The following CDK17 variants were observed in gnomAD, a reference collection of about 807,000 sequenced individuals.
The protein encoded by CDK17 is cyclin dependent kinase 17, also known as cyclin-dependent kinase 17.
In CDK17, 24 loss-of-function variants were observed where a neutral mutation model predicts 77.6. That is an observed-to-expected ratio of 0.31 (90% CI 0.22 to 0.44). The LOEUF (loss-of-function observed/expected upper bound fraction) is 0.44. Ranked by LOEUF, CDK17 falls within the 20% of genes least tolerant of loss-of-function variation. The pLI, the probability that CDK17 is intolerant of heterozygous loss-of-function variation, is 1.00. For missense variants in CDK17, 429 were observed against 622.5 expected, an observed-to-expected ratio of 0.69 and a Z score of 3.31; for synonymous variants, 203 against 210.4, an observed-to-expected ratio of 0.96 and a Z score of 0.30.
chr12:96,301,237 C>A (rs867103392), intron 5 of CDK17, among the ~76,000 whole-genome samples: 1 of 93,152 alleles, frequency 1.1e-5, no homozygotes, highest in Non-Finnish European at 2.1e-5. Flanking sequence ...CCTCAACACT[C>A]GGCCAAAAAA....
chr12:96,394,179 G>A (rs1374019280), intron 1 of CDK17, among the ~76,000 whole-genome samples: 3 of 151,980 alleles, frequency 2.0e-5, no homozygotes, highest in Non-Finnish European at 4.4e-5. Flanking sequence ...CCGGGAGGCG[G>A]AGGTTGCAGT....
chr12:96,280,553 T>A, intron 16 of CDK17: 34 of 1,411,958 alleles, frequency 2.4e-5, no homozygotes, highest in Non-Finnish European at 3.0e-5. Flanking sequence ...CCAGGTCACT[T>A]GTAAAAGGTC....
rs1309823627 is a variant in CDK17, at chr12:96,314,517, G to T, written c.284-1063C>A. Reference sequence around the variant, plus strand: ...CCTACTGCTCAAGGTCATCACCAAGGTCTGATTGCAAAAATTCAAAAAACT... The same window carrying T: ...CCTACTGCTCAAGGTCATCACCAAGTTCTGATTGCAAAAATTCAAAAAACT... On this transcript the variant is annotated intron_variant, in intron 3 of 16. Transcript: ENST00000261211. 2.6e-5 allele frequency among the ~76,000 whole-genome samples: 4 copies of T among 152,082 alleles called. No individual in the cohort carries two copies. In the East Asian group the frequency reaches 7.7e-4, roughly 29 times the overall value.
intron 5 of CDK17, chr12:96,303,061 T>A (rs1952529152): frequency 6.6e-6 from 1 of 152,218 alleles, no homozygotes; most frequent in Non-Finnish European, 1.5e-5. Flanking sequence ...AATAAAATTT[T>A]TAGAAAATTT....
intron 3 of CDK17, among the ~76,000 whole-genome samples, chr12:96,323,176 T>G (rs903230689): frequency 1.3e-5 from 2 of 151,336 alleles, no homozygotes; most frequent in Non-Finnish European, 2.9e-5. Context: ...CTCATGCCTG[T>G]AATCCCAGCC....
intron 11 of CDK17, among the ~76,000 whole-genome samples, chr12:96,288,271 G>A (rs561360670): frequency 7.2e-5 from 11 of 152,102 alleles, no homozygotes; most frequent in South Asian, 6.2e-4. Flanking sequence ...AACAGAAATC[G>A]GTATATGACT....
chr12:96,365,137 T>C (rs1368403313), intron 1 of CDK17, among the ~76,000 whole-genome samples: 1 of 152,186 alleles, frequency 6.6e-6, no homozygotes, highest in Non-Finnish European at 1.5e-5. Flanking sequence ...AAAAATAAAA[T>C]TGCTTTTTTC....
chr12:96,375,319 C>T (rs945739818), intron 1 of CDK17, among the ~76,000 whole-genome samples: 13 of 152,024 alleles, frequency 8.6e-5, no homozygotes, highest in Admixed American at 2.0e-4. Context: ...TTTCTTCCAA[C>T]CTCTCTGGCC....
rs370051152 is a variant in CDK17, at chr12:96,316,920, A to G, written c.284-3466T>C. Reference sequence around the variant, plus strand: ...AGTGCCTCTCCTCCTCCAAAGGAACACAGTTCCTCACCAGCAACGGAACAA... The same window carrying G: ...AGTGCCTCTCCTCCTCCAAAGGAACGCAGTTCCTCACCAGCAACGGAACAA... On this transcript the variant is annotated intron_variant, in intron 3 of 16. Transcript: ENST00000261211. Among the ~76,000 whole-genome samples, 430 of 150,890 alleles carry G rather than the reference A, an allele frequency of 2.8e-3. 1 individual carries two copies. The highest frequency in any genetic ancestry group is 4.7e-3 in the Non-Finnish European group (320 of 67,656).
chr12:96,303,363 T>C (rs557286605), intron 5 of CDK17: 2 of 152,286 alleles, frequency 1.3e-5, no homozygotes, highest in Admixed American at 6.5e-5. Flanking sequence ...AATGTGTATG[T>C]TGTTGTTCCA....
intron 1 of CDK17, among the ~76,000 whole-genome samples, chr12:96,391,521 C>T (rs1954067930): frequency 6.6e-6 from 1 of 152,014 alleles, no homozygotes; most frequent in Admixed American, 6.6e-5. Flanking sequence ...GAACCCCTGA[C>T]CTCAAGTGAT....
intron 2 of CDK17, among the ~76,000 whole-genome samples, chr12:96,326,544 G>A (rs759217189): frequency 5.3e-5 from 8 of 152,184 alleles, no homozygotes; most frequent in Admixed American, 2.0e-4. Context: ...ATGAAAAGCC[G>A]ACATATGGCA....
intron 1 of CDK17, among the ~76,000 whole-genome samples, chr12:96,398,012 T>TA (rs1474152072): frequency 6.6e-6 from 1 of 152,334 alleles, no homozygotes; most frequent in Middle Eastern, 3.4e-3. Context: ...GTCTCTATAT[T>TA]AAACAGGCTT....
intron 1 of CDK17, among the ~76,000 whole-genome samples, chr12:96,384,882 T>C (rs909240940): frequency 2.0e-5 from 3 of 151,508 alleles, no homozygotes; most frequent in African/African-American, 7.3e-5. Flanking sequence ...TGGTGGTACA[T>C]GCCCATGGTC....
intron 13 of CDK17, 155 bp downstream of exon 13, chr12:96,285,888 T>TA: frequency 2.4e-6 from 1 of 420,882 alleles, no homozygotes; most frequent in East Asian, 4.0e-5. Context: ...TCTAGAATTC[T>TA]AAAACATATA....
intron 1 of CDK17, among the ~76,000 whole-genome samples, chr12:96,361,387 T>C (rs1394307577): frequency 6.6e-6 from 1 of 152,220 alleles, no homozygotes; most frequent in African/African-American, 2.4e-5. Flanking sequence ...TGGTACCATC[T>C]ATTGGCAAAA....
At chr12:96,332,893 A>C (rs1051320544) in intron 2 of CDK17, among the ~76,000 whole-genome samples, 2 of 152,224 alleles carry the variant, frequency 1.3e-5, no homozygotes, top group African/African-American at 4.8e-5. Flanking sequence ...ATGATAGTTA[A>C]TACCAAAATA....
At chr12:96,374,403 T>G (rs1271869628) in intron 1 of CDK17, among the ~76,000 whole-genome samples, 1 of 152,204 alleles carries the variant, frequency 6.6e-6, no homozygotes, top group Non-Finnish European at 1.5e-5. Context: ...AAGAACTTTG[T>G]GTTCTGACCC....
At chr12:96,377,467 C>T (rs964877650) in intron 1 of CDK17, among the ~76,000 whole-genome samples, 13 of 151,996 alleles carry the variant, frequency 8.6e-5, no homozygotes, top group Non-Finnish European at 1.5e-4. Flanking sequence ...AGGGAAAAAA[C>T]GTAAAATGCC....
Sources: allele counts gnomAD v4.1 joint callset (sites outside exome capture counted in the v4.1 genomes callset), GRCh38; gene constraint gnomAD v4.1.1; transcripts MANE v1.5; gene names NCBI Gene and HGNC (gene_info 2026-07-23, HGNC 2026-07-21).